NGEF: variants seen among roughly 807,000 people sequenced by gnomAD.
NGEF encodes the protein neuronal guanine nucleotide exchange factor.
A neutral mutation model predicts 80.9 loss-of-function variants in NGEF; 31 were observed. The observed-to-expected ratio is 0.38, with a 90% CI of 0.29 to 0.52. NGEF has a LOEUF of 0.52. Ranked by LOEUF, NGEF falls within the 20% of genes least tolerant of loss-of-function variation. The pLI is 0.84. For missense variants in NGEF, 709 were observed against 926.2 expected (o/e 0.77, Z 3.04); for synonymous variants, 371 against 370.2 (o/e 1.00, Z -0.03).
chr2:232,939,392 A>AC (rs1693395433), intron 3 of NGEF, among the ~76,000 whole-genome samples: 1 of 152,164 alleles, frequency 6.6e-6, no homozygotes, highest in Non-Finnish European at 1.5e-5. Flanking sequence ...TTAGTGCTAA[A>AC]ATGCATTCAC....
At chr2:232,987,613 A>G (rs184374159) in intron 1 of NGEF, among the ~76,000 whole-genome samples, 5 of 152,264 alleles carry the variant, frequency 3.3e-5, no homozygotes, top group African/African-American at 9.6e-5. Context: ...CCATGGGCCC[A>G]TTCCAGAGTC....
At chr2:232,969,455 T>TTCCC (rs1694138175) in intron 3 of NGEF, among the ~76,000 whole-genome samples, 2 of 74,082 alleles carry the variant, frequency 2.7e-5, no homozygotes, top group African/African-American at 1.1e-4. Flanking sequence ...CTCCCCTTCC[T>TTCCC]TCCTTCCTTC....
At chr2:232,983,325 T>G (rs1574653011) in intron 1 of NGEF, among the ~76,000 whole-genome samples, 1 of 149,340 alleles carries the variant, frequency 6.7e-6, no homozygotes, top group Non-Finnish European at 1.5e-5. Flanking sequence ...CTTCGGGAGG[T>G]AGAGAGGAGG....
intron 1 of NGEF, among the ~76,000 whole-genome samples, chr2:233,001,962 C>G (rs998881225): frequency 4.6e-5 from 7 of 152,104 alleles, no homozygotes; most frequent in Non-Finnish European, 7.3e-5. Flanking sequence ...TTGCCCTGAA[C>G]CATTGCACTC....
rs12477816 is a variant in NGEF, at chr2:232,981,180, G to A, written c.-74-6216C>T. Among the ~76,000 whole-genome samples the A allele has an allele frequency of 4.7e-5, 7 of 149,916 alleles. 1 individual carries two copies. Among genetic ancestry groups the A allele is most frequent in the Admixed American group, 4.7e-4 (7 of 14,996 alleles). Reference sequence around the variant, plus strand: ...AATTGCCTTTGCAAAAAGTATAACTGAGGAAATTGTGACAGTGAAAGAAAT... The same window carrying A: ...AATTGCCTTTGCAAAAAGTATAACTAAGGAAATTGTGACAGTGAAAGAAAT... On this transcript the variant is annotated intron_variant, in intron 1 of 14. Transcript: ENST00000264051.
chr2:232,990,819 GA>G (rs1694636281), intron 1 of NGEF, among the ~76,000 whole-genome samples: 1 of 152,014 alleles, frequency 6.6e-6, no homozygotes, highest in Non-Finnish European at 1.5e-5. Context: ...TAATAGAGAA[GA>G]AAATGTCCTC....
intron 9 of NGEF, among the ~76,000 whole-genome samples, chr2:232,887,107 A>G (rs967041536): frequency 1.3e-5 from 2 of 152,198 alleles, no homozygotes; most frequent in Non-Finnish European, 1.5e-5. Context: ...TGAGAGTGAT[A>G]TTCTTTTTAC....
At chr2:232,906,648 C>T (rs1692559305) in intron 5 of NGEF, among the ~76,000 whole-genome samples, 1 of 83,724 alleles carries the variant, frequency 1.2e-5, no homozygotes, top group African/African-American at 4.1e-5. Flanking sequence ...GTGAGGAGCC[C>T]CTCTGCCCGG....
rs1365873254 is a variant in NGEF at position 232,888,528 on chromosome 2, CACAT to C, written c.1273-425_1273-422del. Among the ~76,000 whole-genome samples the C allele has an allele frequency of 5.7e-4, 70 of 122,952 alleles. 1 individual carries two copies. The highest frequency in any genetic ancestry group is 4.0e-3 in the Middle Eastern group (1 of 252). 80.7% of individuals were successfully genotyped at this position (122,952 alleles called of 152,430 possible). A position where few individuals can be genotyped will look rare whatever the true frequency, so the allele number is the denominator to read the frequency against. On this transcript the variant is annotated intron_variant, in intron 8 of 14. Transcript: ENST00000264051. The stretch of plus-strand genomic sequence containing the variant: ...ACATGCATACAAGCATGTGTGCGCA[CACAT>C]ACATGCATGCACATACATGCATACC...
chr2:232,928,169 C>A, intron 3 of NGEF: 1 of 978,014 alleles, frequency 1.0e-6, no homozygotes, highest in South Asian at 4.8e-5. Context: ...GGCGGGCGCG[C>A]GCCTGGAGGC....
intron 3 of NGEF, among the ~76,000 whole-genome samples, chr2:232,952,041 C>T (rs1693688864): frequency 1.3e-5 from 2 of 152,154 alleles, no homozygotes; most frequent in South Asian, 2.1e-4. Flanking sequence ...AGGGATAAAA[C>T]GCAGATCATC....
chr2:233,007,568 GAGA>G (rs1380981693), intron 1 of NGEF, among the ~76,000 whole-genome samples: 1 of 152,206 alleles, frequency 6.6e-6, no homozygotes, highest in Non-Finnish European at 1.5e-5. Context: ...CTGCTCACAT[GAGA>G]AGATGCTGGC....
intron 11 of NGEF, 28 bp from the exon 12 acceptor site, chr2:232,883,494 G>A: frequency 6.5e-7 from 1 of 1,549,242 alleles, no homozygotes; most frequent in Non-Finnish European, 8.7e-7. Flanking sequence ...GGGCAGGCGT[G>A]TCAGCCCCGA....
At chr2:233,007,265 C>T (rs1188213320) in intron 1 of NGEF, among the ~76,000 whole-genome samples, 3 of 151,780 alleles carry the variant, frequency 2.0e-5, no homozygotes, top group Admixed American at 1.3e-4. Flanking sequence ...TAAATAAATA[C>T]AATTCTAACT....
At chr2:233,012,543 T>C (rs1181665122) in intron 1 of NGEF, 2 of 252,732 alleles carry the variant, frequency 7.9e-6, no homozygotes, top group Non-Finnish European at 1.5e-5. Flanking sequence ...GTGCACTTCC[T>C]GACCCTGAGA....
chr2:232,980,736 T>A (rs573967079), intron 1 of NGEF, among the ~76,000 whole-genome samples: 1 of 152,258 alleles, frequency 6.6e-6, no homozygotes, highest in South Asian at 2.1e-4. Flanking sequence ...TGACCTCAAG[T>A]GATCCACCCA....
chr2:232,976,433 T>C (rs1424424100), intron 1 of NGEF, among the ~76,000 whole-genome samples: 2 of 152,166 alleles, frequency 1.3e-5, no homozygotes, highest in Non-Finnish European at 2.9e-5. Flanking sequence ...ACACTACTGA[T>C]CTCAGGGCAG....
rs797007231 is a variant in NGEF, at chr2:232,995,097, G to A, written c.-75+17971C>T. 9.0e-3 allele frequency among the ~76,000 whole-genome samples: 34 copies of A among 3,786 alleles called. 14 individuals carry two copies. Among genetic ancestry groups the A allele is most frequent in the African/African-American group, 0.054 (26 of 480 alleles). 2.5% of individuals were successfully genotyped at this position (3,786 alleles called of 152,430 possible). ...CTGTATATGTGTACAGTATGTATAT[G>A]TGTACAGTATGTATATGTGTACAGT... On this transcript the variant is annotated intron_variant, in intron 1 of 14. Transcript: ENST00000264051.
intron 1 of NGEF, among the ~76,000 whole-genome samples, chr2:233,006,988 C>T (rs1695097380): frequency 6.6e-6 from 1 of 152,268 alleles, no homozygotes; most frequent in East Asian, 1.9e-4. Context: ...TGCTTGTATA[C>T]AATCCCAGCC....
Sources: gnomAD v4.1 joint callset for allele counts (sites outside exome capture counted in the v4.1 genomes callset) on GRCh38, gnomAD v4.1.1 for gene constraint, MANE v1.5 for transcripts, NCBI Gene and HGNC (gene_info 2026-07-23, HGNC 2026-07-21) for gene names.